The following PCDH15 variants were observed in gnomAD, a reference collection of about 807,000 sequenced individuals.
PCDH15 encodes the protein protocadherin related 15, also known as protocadherin-15.
Under a neutral mutation model 178.5 loss-of-function variants are expected in PCDH15, and 129 were observed. The ratio of observed to expected loss-of-function variants is 0.72; its 90% CI spans 0.63 to 0.84. The LOEUF (loss-of-function observed/expected upper bound fraction) is 0.84. Ranked by LOEUF, PCDH15 falls within the 40% of genes least tolerant of loss-of-function variation. The probability of loss-of-function intolerance (pLI) is 0.00; values close to 1 mark genes in which losing one functional copy is unlikely to be tolerated. For missense variants in PCDH15, 2,230 were observed against 2,099.9 expected, an observed-to-expected ratio of 1.06 and a Z score of -1.21; for synonymous variants, 800 against 732.0, an observed-to-expected ratio of 1.09 and a Z score of -1.50.
intron 3 of PCDH15, among the ~76,000 whole-genome samples, chr10:54,391,325 A>T (rs1205642572): frequency 1.3e-5 from 2 of 152,114 alleles, no homozygotes; most frequent in Non-Finnish European, 2.9e-5. Context: ...CCACGAAAGG[A>T]GTTTATGCAT....
intron 2 of PCDH15, among the ~76,000 whole-genome samples, chr10:55,108,240 A>T (rs1564804801): frequency 6.6e-6 from 1 of 152,162 alleles, no homozygotes; most frequent in Non-Finnish European, 1.5e-5. Flanking sequence ...TGTTATAGCT[A>T]CCTGGAAGGA....
At chr10:54,974,057 T>TCA (rs3072796) in intron 2 of PCDH15, among the ~76,000 whole-genome samples, 1,233 of 99,682 alleles carry the variant, frequency 0.012, 8 homozygotes, top group Admixed American at 0.028. Flanking sequence ...TCTCTCTCTC[T>TCA]CACACACACA....
In PCDH15 at chr10:53,840,421, A is replaced by G. The variant is rs2132761902; in HGVS notation, c.3882T>C (p.His1294=). The G allele has an allele frequency of 6.2e-7, 1 of 1,614,074 alleles. No homozygotes were observed. The change falls in exon 29 of 38, where the codon CAT becomes CAC. Residue 1294 remains histidine, a synonymous_variant. Coordinates refer to ENST00000644397, the MANE Select transcript of PCDH15 (RefSeq NM_001384140.1). ...AATCTTCTAGGGAAAAGGCATCTCC[A>G]TGCCGGCGAGCTCCAATGGACTCCA... ...VVVESIGARR[H]GDAFSLEDYT... is the part of the protein sequence containing the mutation.
chr10:54,652,174 T>C (rs2094278053), intron 2 of PCDH15, among the ~76,000 whole-genome samples: 1 of 152,214 alleles, frequency 6.6e-6, no homozygotes, highest in Non-Finnish European at 1.5e-5. Context: ...GGTCACATTT[T>C]ATCTTCTATT....
Position 53,995,704 on chromosome 10 carries a change from T to C in PCDH15, c.2813A>G (p.Asp938Gly). The C allele has an allele frequency of 7.4e-6, 12 of 1,613,924 alleles. No homozygotes were observed. The highest frequency in any genetic ancestry group is 8.5e-6 in the Non-Finnish European group (10 of 1,179,822). Residue 938 changes from aspartate (D) to glycine (G), a missense_variant, in exon 21 of 38, where the codon GAT becomes GGT. Transcript: ENST00000644397. ...KRIYKGMVAP[D>G]AVKGTPITTV... ...TGTGATAGGTGTACCCTTGACTGCA[T>C]CCGGAGCCACCATCCCTTTGTATAT...
At chr10:55,312,536 T>G (rs940762727) in intron 1 of PCDH15, among the ~76,000 whole-genome samples, 2 of 152,096 alleles carry the variant, frequency 1.3e-5, no homozygotes, top group Non-Finnish European at 2.9e-5. Flanking sequence ...AAAATGTGAG[T>G]TTCCCATGAT....
At chr10:54,085,854 G>C (rs1030456389) in intron 16 of PCDH15, among the ~76,000 whole-genome samples, 6 of 151,894 alleles carry the variant, frequency 4.0e-5, no homozygotes, top group African/African-American at 1.5e-4. Flanking sequence ...TTTCATTAAA[G>C]GAAAGTAATG....
At chr10:55,086,158 T>C (rs1435461901) in intron 2 of PCDH15, among the ~76,000 whole-genome samples, 1 of 151,962 alleles carries the variant, frequency 6.6e-6, no homozygotes. Context: ...TTAATTTACC[T>C]GGCAAAAGAA....
At chr10:54,418,343 T>C (rs1243353620) in intron 3 of PCDH15, among the ~76,000 whole-genome samples, 1 of 152,062 alleles carries the variant, frequency 6.6e-6, no homozygotes, top group East Asian at 1.9e-4. Flanking sequence ...AAAAGTAATA[T>C]AAGCTAAAAT....
At chr10:54,367,553 A>G (rs1057087747) in intron 5 of PCDH15, among the ~76,000 whole-genome samples, 18 of 151,968 alleles carry the variant, frequency 1.2e-4, no homozygotes, top group African/African-American at 3.9e-4. Context: ...CAAACTAACA[A>G]GAACAGAAAA....
At chr10:54,892,593 G>GA (rs1954481511) in intron 3 of PCDH15, among the ~76,000 whole-genome samples, 1 of 150,422 alleles carries the variant, frequency 6.6e-6, no homozygotes, top group East Asian at 1.9e-4. Flanking sequence ...GGAAATTAAT[G>GA]AAAAAAAGAG....
chr10:54,597,647 C>T (rs187164898), intron 2 of PCDH15, among the ~76,000 whole-genome samples: 1 of 152,068 alleles, frequency 6.6e-6, no homozygotes, highest in East Asian at 1.9e-4. Context: ...CAGAGCTGAA[C>T]AGAGACTGAG....
intron 2 of PCDH15, among the ~76,000 whole-genome samples, chr10:55,379,673 C>T (rs146690359): frequency 2.0e-5 from 3 of 151,886 alleles, no homozygotes; most frequent in African/African-American, 7.3e-5. Flanking sequence ...GAATCCATAA[C>T]CTCAAATACT....
intron 15 of PCDH15, among the ~76,000 whole-genome samples, chr10:54,118,436 G>A (rs550185854): frequency 1.4e-4 from 21 of 152,052 alleles, no homozygotes; most frequent in South Asian, 2.1e-4. Flanking sequence ...CAAGGAGGGC[G>A]GATCACGAGG....
chr10:55,575,990 T>C (rs770212145), intron 2 of PCDH15, among the ~76,000 whole-genome samples: 2 of 152,166 alleles, frequency 1.3e-5, no homozygotes, highest in Non-Finnish European at 2.9e-5. Flanking sequence ...CGATGAACCG[T>C]TCACTTTCAC....
Position 53,857,224 on chromosome 10 carries a change from A to G in PCDH15, c.3757T>C (p.Ser1253Pro). The stretch of plus-strand genomic sequence containing the variant: ...TCCACTAGAGTAGGAGGCACATTGG[A>G]AACAATGACTTGCATATCCAGCTGA... ...VNQLDMQVIV[S>P]NVPPTLVEKK... Residue 1253 changes from serine to proline, a missense_variant, in exon 28 of 38, where the codon TCC becomes CCC. Coordinates refer to ENST00000644397, the MANE Select transcript of PCDH15 (RefSeq NM_001384140.1). 1 of 1,612,150 alleles carries G rather than the reference A, an allele frequency of 6.2e-7. No individual in the cohort carries two copies. Among genetic ancestry groups the G allele is most frequent in the South Asian group, 1.1e-5 (1 of 91,018 alleles).
intron 2 of PCDH15, among the ~76,000 whole-genome samples, chr10:55,555,608 G>A (rs976750076): frequency 1.3e-5 from 2 of 151,846 alleles, no homozygotes; most frequent in East Asian, 1.9e-4. Flanking sequence ...TATTTTACAC[G>A]GACTAGATTT....
chr10:54,895,080 G>A (rs962590226), intron 3 of PCDH15, among the ~76,000 whole-genome samples: 2 of 152,006 alleles, frequency 1.3e-5, no homozygotes, highest in African/African-American at 4.8e-5. Context: ...TTAAATATGG[G>A]ACACACATAA....
chr10:55,418,933 T>A (rs1838552091), intron 2 of PCDH15, among the ~76,000 whole-genome samples: 1 of 151,820 alleles, frequency 6.6e-6, no homozygotes, highest in South Asian at 2.1e-4. Flanking sequence ...CCTCATGAAT[T>A]CTTTTTATAT....
Sources: allele counts gnomAD v4.1 joint callset (sites outside exome capture counted in the v4.1 genomes callset), GRCh38; gene constraint gnomAD v4.1.1; transcripts MANE v1.5; gene names NCBI Gene and HGNC (gene_info 2026-07-23, HGNC 2026-07-21).